The following ROR1 variants were observed in gnomAD, a reference collection of about 807,000 sequenced individuals.
ROR1 encodes the protein ROR family WNT receptor 1.
Under a neutral mutation model 78.8 loss-of-function variants are expected in ROR1, and 19 were observed. The observed-to-expected ratio is 0.24, with a 90% confidence interval of 0.17 to 0.35. The LOEUF is 0.35. Among genes scored for constraint, ROR1 ranks in the 10% least tolerant of loss-of-function variants. The probability of loss-of-function intolerance (pLI) is 1.00; values close to 1 mark genes in which losing one functional copy is unlikely to be tolerated. For missense variants in ROR1, 917 were observed against 1,177.8 expected (o/e 0.78, Z 3.24); for synonymous variants, 386 against 433.6 (o/e 0.89, Z 1.36).
intron 1 of ROR1, among the ~76,000 whole-genome samples, chr1:63,994,895 T>A (rs1411100823): frequency 6.6e-6 from 1 of 152,238 alleles, no homozygotes. Context: ...GCTTTGGTCG[T>A]TCCTGTTCAT....
At chr1:63,992,849 TCTC>T (rs1409545017) in intron 1 of ROR1, among the ~76,000 whole-genome samples, 4 of 152,236 alleles carry the variant, frequency 2.6e-5, no homozygotes, top group South Asian at 4.2e-4. Context: ...TTGCTGAAGT[TCTC>T]CTCCTCCTCT....
intron 2 of ROR1, among the ~76,000 whole-genome samples, chr1:64,022,800 A>G (rs1412042782): frequency 6.6e-6 from 1 of 152,230 alleles, no homozygotes; most frequent in African/African-American, 2.4e-5. Flanking sequence ...CTGCTTACCA[A>G]GCATCTGTGT....
At position 63,870,175 on chromosome 1, in the gene ROR1, T is replaced by C. The variant is rs552739826; in HGVS notation, c.91+95667T>C. The stretch of plus-strand genomic sequence containing the variant: ...AGTGGAAATCATACTGAAGATACCA[T>C]TGGGTGTTCTGTTCTCCCCATTCTC... On this transcript the variant is annotated intron_variant, in intron 1 of 8. Transcript: ENST00000371079. Among the ~76,000 whole-genome samples the C allele has an allele frequency of 2.0e-5, 3 of 152,298 alleles. No individual in the cohort carries two copies. In the South Asian group the frequency reaches 6.2e-4, roughly 32 times the overall value.
chr1:63,959,824 A>T lies in ROR1; in HGVS notation c.92-49481A>T, dbSNP rs191208035. Among the ~76,000 whole-genome samples, 287 of 152,142 alleles carry T rather than the reference A, an allele frequency of 1.9e-3. 5 individuals carry two copies. Among genetic ancestry groups the T allele is most frequent in the Non-Finnish European group, 6.0e-4 (41 of 67,966 alleles). On this transcript the variant is annotated intron_variant, in intron 1 of 8. Transcript: ENST00000371079. ...AGCTGTGCCAAATCCCCTGCCTTGG[A>T]TTCTTCATGTCCTTCAATAAGTCCA...
At chr1:64,061,112 G>C (rs1311133157) in intron 4 of ROR1, among the ~76,000 whole-genome samples, 1 of 152,150 alleles carries the variant, frequency 6.6e-6, no homozygotes, top group East Asian at 1.9e-4. Flanking sequence ...CTCCCACTTA[G>C]CACAGCAGCT....
intron 1 of ROR1, among the ~76,000 whole-genome samples, chr1:63,836,642 A>G (rs1023425705): frequency 6.6e-5 from 10 of 152,340 alleles, no homozygotes; most frequent in African/African-American, 2.2e-4. Context: ...GAAATTCTGC[A>G]CTTGGCACTA....
At chr1:63,951,316 G>A (rs941525264) in intron 1 of ROR1, among the ~76,000 whole-genome samples, 3 of 152,160 alleles carry the variant, frequency 2.0e-5, no homozygotes, top group Non-Finnish European at 4.4e-5. Context: ...GGCAGGCATT[G>A]TTCCAGGCAC....
chr1:63,932,961 C>G lies in ROR1; in HGVS notation c.92-76344C>G, dbSNP rs192709819. On this transcript the variant is annotated intron_variant, in intron 1 of 8. Coordinates refer to ENST00000371079, the MANE Select transcript of ROR1 (RefSeq NM_005012.4). Reference sequence around the variant, plus strand: ...CTTCTTTGCCCACCTGTCTGACAGCCCTTTATCTCTGTAATAATTGCCAAG... The same window carrying G: ...CTTCTTTGCCCACCTGTCTGACAGCGCTTTATCTCTGTAATAATTGCCAAG... 1.6e-3 allele frequency among the ~76,000 whole-genome samples: 243 copies of G among 152,228 alleles called. 1 individual carries two copies. Among genetic ancestry groups the G allele is most frequent in the Middle Eastern group, 0.01 (3 of 294 alleles).
At chr1:63,922,499 C>CATTTA (rs1645664463) in intron 1 of ROR1, among the ~76,000 whole-genome samples, 1 of 151,946 alleles carries the variant, frequency 6.6e-6, no homozygotes, top group Admixed American at 6.7e-5. Flanking sequence ...GAGTTTATGT[C>CATTTA]GAAGCCCAGG....
intron 2 of ROR1, among the ~76,000 whole-genome samples, chr1:64,030,587 T>C (rs2100568549): frequency 6.6e-6 from 1 of 152,308 alleles, no homozygotes; most frequent in East Asian, 1.9e-4. Flanking sequence ...TCTCCCTTTC[T>C]CTAGAGGAAT....
chr1:64,072,243 A>G (rs1454303908), intron 4 of ROR1, among the ~76,000 whole-genome samples: 2 of 152,244 alleles, frequency 1.3e-5, no homozygotes, highest in African/African-American at 2.4e-5. Flanking sequence ...GATGCCTGGC[A>G]TATGACAAGT....
chr1:64,067,070 C>T (rs77797994), intron 4 of ROR1, among the ~76,000 whole-genome samples: 3,350 of 152,064 alleles, frequency 0.022, 76 homozygotes, highest in African/African-American at 0.064. Context: ...ATACTTGAGG[C>T]CAGGCGCAGT....
chr1:63,786,051 G>A (rs1204377206), intron 1 of ROR1, among the ~76,000 whole-genome samples: 4 of 151,878 alleles, frequency 2.6e-5, no homozygotes, highest in African/African-American at 7.3e-5. Flanking sequence ...GAGGAAGGGG[G>A]GAGCTGAACT....
At chr1:64,073,330 T>A (rs1037184482) in intron 4 of ROR1, among the ~76,000 whole-genome samples, 1 of 152,098 alleles carries the variant, frequency 6.6e-6, no homozygotes. Context: ...TCCTGCTCCA[T>A]GTGCTCCTTT....
chr1:63,865,752 C>T lies in ROR1; in HGVS notation c.91+91244C>T, dbSNP rs138938710. ...TACAGTGCTTGGCACATAGCGGGCA[C>T]TAAACAAATATTTTATTGGATTTGA... On this transcript the variant is annotated intron_variant, in intron 1 of 8. Transcript: ENST00000371079. Among the ~76,000 whole-genome samples, 546 of 152,284 alleles carry T rather than the reference C, an allele frequency of 3.6e-3. 1 individual carries two copies. Among genetic ancestry groups the T allele is most frequent in the African/African-American group, 0.013 (526 of 41,556 alleles).
intron 1 of ROR1, among the ~76,000 whole-genome samples, chr1:63,795,077 C>T (rs1004037650): frequency 2.0e-5 from 3 of 152,196 alleles, no homozygotes; most frequent in Non-Finnish European, 4.4e-5. Flanking sequence ...ACCCTGCATC[C>T]AGGGAAGCGG....
chr1:64,072,201 A>G (rs1647009644), intron 4 of ROR1, among the ~76,000 whole-genome samples: 2 of 152,372 alleles, frequency 1.3e-5, no homozygotes, highest in South Asian at 4.1e-4. Context: ...TGCAAGGATC[A>G]TGAGAGATAA....
chr1:64,091,905 T>C (rs1647200842), intron 4 of ROR1, among the ~76,000 whole-genome samples: 1 of 152,174 alleles, frequency 6.6e-6, no homozygotes, highest in South Asian at 2.1e-4. Context: ...GATGGACAGA[T>C]CAAGGGATGG....
intron 1 of ROR1, among the ~76,000 whole-genome samples, chr1:63,945,619 A>G (rs553068267): frequency 1.3e-4 from 20 of 152,154 alleles, no homozygotes; most frequent in Admixed American, 5.2e-4. Context: ...TTATACCTTT[A>G]CTTGCTACAT....
Sources: gnomAD v4.1 joint callset for allele counts (sites outside exome capture counted in the v4.1 genomes callset) on GRCh38, gnomAD v4.1.1 for gene constraint, MANE v1.5 for transcripts, NCBI Gene and HGNC (gene_info 2026-07-23, HGNC 2026-07-21) for gene names.